Variants in RB1 observed in about 807,000 individuals in gnomAD.
RB1 encodes RB transcriptional corepressor 1, also known as retinoblastoma-associated protein.
A neutral mutation model predicts 135.4 loss-of-function variants in RB1; 18 were observed. The ratio of observed to expected loss-of-function variants is 0.13; its 90% CI spans 0.09 to 0.20. The LOEUF is 0.20. Among genes scored for constraint, RB1 ranks in the 10% least tolerant of loss-of-function variants. RB1 has a pLI of 1.00. For synonymous variants in RB1, 365 were observed against 373.2 expected (o/e 0.98, Z 0.25); for missense variants, 868 against 1,110.0 (o/e 0.78, Z 3.10).
chr13:48,364,355 A>G (rs754176732), intron 8 of RB1, among the ~76,000 whole-genome samples: 2 of 152,206 alleles, frequency 1.3e-5, no homozygotes, highest in African/African-American at 2.4e-5. Context: ...CTGTAGCTGC[A>G]GATGCCTGCT....
intron 9 of RB1, among the ~76,000 whole-genome samples, chr13:48,367,061 G>A (rs1952708129): frequency 6.9e-6 from 1 of 144,862 alleles, no homozygotes; most frequent in African/African-American, 2.5e-5. Flanking sequence ...AGAGGTGGCA[G>A]TGAGCCGAGA....
chr13:48,376,199 C>A (rs956376832), intron 12 of RB1, among the ~76,000 whole-genome samples: 1 of 151,928 alleles, frequency 6.6e-6, no homozygotes. Context: ...TTTCAAAGCA[C>A]GTTTTAAAAT....
chr13:48,380,192 T>C lies in RB1; in HGVS notation c.1449T>C (p.His483=), dbSNP rs367661403. ...AACTTCTGAATGACAACATTTTTCA[T>C]ATGTCTTTATTGGCGTGCGCTCTTG... ...FSKLLNDNIF[H]MSLLACALEV... The change falls in exon 16 of 27, where the codon CAT becomes CAC. Residue 483 remains histidine (H), a synonymous_variant. Transcript: ENST00000267163. The C allele has an allele frequency of 2.5e-6, 4 of 1,602,094 alleles. No individual in the cohort carries two copies. The East Asian group carries it at 9.0e-5, about 36-fold the overall frequency.
chr13:48,368,457 G>A (rs1479089770), intron 10 of RB1, 70 bp from the exon 11 acceptor site: 7 of 1,593,314 alleles, frequency 4.4e-6, no homozygotes, highest in South Asian at 2.2e-5. Context: ...GCATTATACT[G>A]CTTTTTTGAT....
At chr13:48,464,021 G>A (rs1949421491) in intron 21 of RB1, among the ~76,000 whole-genome samples, 186 bp downstream of exon 21, 1 of 151,916 alleles carries the variant, frequency 6.6e-6, no homozygotes. Context: ...AAAGATAAGG[G>A]TAATTATGAA....
rs1414648992 is a variant in RB1, at chr13:48,404,596, C to T, written c.1695+23153C>T. Among the ~76,000 whole-genome samples the T allele has an allele frequency of 2.6e-5, 4 of 151,820 alleles. No homozygotes were observed. In the East Asian group the frequency reaches 5.8e-4, roughly 22 times the overall value. On this transcript the variant is annotated intron_variant, in intron 17 of 26. Transcript: ENST00000267163. ...GGCTGGAGTGCAATGGTGTGATCTCCGCTCACTGCAACCGCTGCCTCCTAG... is the reference window on the plus strand; with the variant it reads ...GGCTGGAGTGCAATGGTGTGATCTCTGCTCACTGCAACCGCTGCCTCCTAG...
rs185357129 is a variant in RB1, at chr13:48,430,653, T to G, written c.1696-22340T>G. Reference sequence around the variant, plus strand: ...TACTCGGAAGGCTGAGGCAGGAGAATGGCTTGAACCCAGGGGGCGGAGGTT... The same window carrying G: ...TACTCGGAAGGCTGAGGCAGGAGAAGGGCTTGAACCCAGGGGGCGGAGGTT... On this transcript the variant is annotated intron_variant, in intron 17 of 26. Coordinates refer to ENST00000267163, the MANE Select transcript of RB1 (RefSeq NM_000321.3). 3.3e-3 allele frequency among the ~76,000 whole-genome samples: 499 copies of G among 152,188 alleles called. 1 individual carries two copies. The highest frequency in any genetic ancestry group is 5.2e-3 in the Non-Finnish European group (352 of 67,996).
In RB1 at chr13:48,317,894, C is replaced by A. The variant is rs112367681; in HGVS notation, c.264+10488C>A. ...TCTGGCCTGAATGAGCCCCATTTCCCGAGAGCAGCAGGGCCCTCTGCCTGA... is the reference window on the plus strand; with the variant it reads ...TCTGGCCTGAATGAGCCCCATTTCCAGAGAGCAGCAGGGCCCTCTGCCTGA... On this transcript the variant is annotated intron_variant, in intron 2 of 26. Coordinates refer to ENST00000267163, the MANE Select transcript of RB1 (RefSeq NM_000321.3). The A allele has an allele frequency of 1.0e-4, 41 of 402,874 alleles. 2 individuals carry two copies. The highest frequency in any genetic ancestry group is 6.8e-4 in the African/African-American group (35 of 51,150). The allele number at this position is 402,874 out of a possible 1,614,324, so 25.0% of individuals were successfully genotyped here. A position where few individuals can be genotyped will look rare whatever the true frequency, so the allele number is the denominator to read the frequency against.
chr13:48,326,831 G>A (rs1952291793), intron 2 of RB1, among the ~76,000 whole-genome samples: 1 of 151,512 alleles, frequency 6.6e-6, no homozygotes, highest in Non-Finnish European at 1.5e-5. Context: ...GTCTGTGACT[G>A]TGCTTTTAAA....
intron 17 of RB1, among the ~76,000 whole-genome samples, chr13:48,405,494 A>G (rs1593473475): frequency 6.6e-6 from 1 of 152,196 alleles, no homozygotes; most frequent in East Asian, 1.9e-4. Flanking sequence ...TTGACTGCAT[A>G]TAACAGGAGA....
chr13:48,430,123 A>T (rs1022190545), intron 17 of RB1, among the ~76,000 whole-genome samples: 8 of 152,200 alleles, frequency 5.3e-5, no homozygotes, highest in African/African-American at 1.7e-4. Flanking sequence ...CACCCAAACC[A>T]GATTATTATT....
intron 7 of RB1, 138 bp from the exon 8 acceptor site, chr13:48,362,677 A>C: frequency 1.1e-6 from 1 of 908,626 alleles, no homozygotes; most frequent in Non-Finnish European, 1.7e-6. Flanking sequence ...TGAAATTGTT[A>C]TCCTTCTAAT....
chr13:48,480,844 T>C lies in RB1; in HGVS notation c.*773T>C, dbSNP rs1161109375. 8.8e-6 allele frequency: 2 copies of C among 227,784 alleles called. No homozygotes were observed. Among genetic ancestry groups the C allele is most frequent in the Admixed American group, 5.7e-5 (1 of 17,630 alleles). The allele number at this position is 227,784 out of a possible 1,614,324, so 14.1% of individuals were successfully genotyped here. On this transcript the variant is annotated 3_prime_UTR_variant, in exon 27 of 27. Coordinates refer to ENST00000267163, the MANE Select transcript of RB1 (RefSeq NM_000321.3). ...GGATTATTGATAGTACTCTTGGTTT[T>C]TATACCATTCAGATCACTGAATTTA... is the stretch of plus-strand genomic sequence containing the variant.
intron 23 of RB1, 39 bp downstream of exon 23, chr13:48,465,407 A>AG: frequency 6.6e-7 from 1 of 1,518,228 alleles, no homozygotes; most frequent in Non-Finnish European, 9.1e-7. Flanking sequence ...AAAGAATGAG[A>AG]GGGGGATTAT....
intron 17 of RB1, among the ~76,000 whole-genome samples, chr13:48,400,005 G>A (rs866606884): frequency 4.6e-5 from 7 of 151,924 alleles, no homozygotes; most frequent in Non-Finnish European, 1.0e-4. Flanking sequence ...ATTGGCAAAA[G>A]GGACTAAGAA....
In RB1 at chr13:48,441,751, TATATATATGGGTAAAGGGTACCAGTTAG is replaced by T. The variant is rs372992118; in HGVS notation, c.1696-11239_1696-11212del. 8.4e-3 allele frequency among the ~76,000 whole-genome samples: 1,282 copies of T among 152,278 alleles called. 15 individuals are homozygous for T. Among genetic ancestry groups the T allele is most frequent in the African/African-American group, 0.03 (1,239 of 41,566 alleles). On this transcript the variant is annotated intron_variant, in intron 17 of 26. Coordinates refer to ENST00000267163, the MANE Select transcript of RB1 (RefSeq NM_000321.3). The stretch of plus-strand genomic sequence containing the variant: ...TTGACACAATTTGCTATCATAGAAT[TATATATATGGGTAAAGGGTACCAGTTAG>T]ATTCCCATTGGCAAAAACCTGGTGA...
At chr13:48,396,088 T>A (rs990769469) in intron 17 of RB1, among the ~76,000 whole-genome samples, 1 of 152,182 alleles carries the variant, frequency 6.6e-6, no homozygotes, top group Non-Finnish European at 1.5e-5. Flanking sequence ...AATTTATAGA[T>A]TCAATGCTAT....
intron 2 of RB1, among the ~76,000 whole-genome samples, chr13:48,313,779 C>T (rs1220735268): frequency 3.2e-5 from 4 of 124,688 alleles, no homozygotes; most frequent in Non-Finnish European, 6.4e-5. Context: ...GACGGAGTCT[C>T]GCTCTGTCGC....
At chr13:48,421,066 A>T (rs1306728277) in intron 17 of RB1, among the ~76,000 whole-genome samples, 22 of 152,102 alleles carry the variant, frequency 1.4e-4, no homozygotes, top group Non-Finnish European at 5.9e-5. Flanking sequence ...AAAAAAGCCC[A>T]TATAGCCAAG....
Sources: allele counts gnomAD v4.1 joint callset (sites outside exome capture counted in the v4.1 genomes callset), GRCh38; gene constraint gnomAD v4.1.1; transcripts MANE v1.5; gene names NCBI Gene and HGNC (gene_info 2026-07-23, HGNC 2026-07-21).